The following ATP6V1D variants were observed in gnomAD, a reference collection of about 807,000 sequenced individuals.
ATP6V1D encodes the protein V-type proton ATPase subunit D.
In ATP6V1D, 20 loss-of-function variants were observed where a neutral mutation model predicts 39.4. The observed-to-expected ratio is 0.51, with a 90% CI of 0.36 to 0.74. The LOEUF (loss-of-function observed/expected upper bound fraction) is 0.74. Among genes scored for constraint, ATP6V1D ranks in the 30% least tolerant of loss-of-function variants. The pLI, the probability that ATP6V1D is intolerant of heterozygous loss-of-function variation, is 0.00. For synonymous variants in ATP6V1D, 100 were observed against 100.5 expected (o/e 0.99, Z 0.03); for missense variants, 228 against 291.6 (o/e 0.78, Z 1.59).
At chr14:67,359,574 C>A in intron 1 of ATP6V1D, 84 bp downstream of exon 1, 1 of 1,472,946 alleles carries the variant, frequency 6.8e-7, no homozygotes. Flanking sequence ...GAAACAAGGA[C>A]CCTCACTGTG....
chr14:67,352,898 CTA>C lies in ATP6V1D; in HGVS notation c.159+23_159+24del, dbSNP rs761559566. The C allele has an allele frequency of 4.0e-6, 6 of 1,496,554 alleles. No individual in the cohort carries two copies. In the Admixed American group the frequency reaches 1.1e-4, roughly 28 times the overall value. 92.7% of individuals were successfully genotyped at this position (1,496,554 alleles called of 1,614,324 possible). A position where few individuals can be genotyped will look rare whatever the true frequency, so the allele number is the denominator to read the frequency against. On this transcript the variant is annotated intron_variant, in intron 2 of 8. Transcript: ENST00000216442. Reference sequence around the variant, plus strand: ...ATGCTGGATTTTTCTAAAATAAATACTATTCTAAGAAAAGTTCATTCTACCTC... The same window carrying C: ...ATGCTGGATTTTTCTAAAATAAATACTTCTAAGAAAAGTTCATTCTACCTC...
At chr14:67,357,520 T>C (rs2085693434) in intron 1 of ATP6V1D, among the ~76,000 whole-genome samples, 1 of 152,252 alleles carries the variant, frequency 6.6e-6, no homozygotes. Context: ...TATCATTTTC[T>C]TACCTAAGCC....
At chr14:67,354,304 CAT>C (rs908264349) in intron 1 of ATP6V1D, among the ~76,000 whole-genome samples, 2 of 152,150 alleles carry the variant, frequency 1.3e-5, no homozygotes, top group Non-Finnish European at 2.9e-5. Context: ...ATGATGCCAA[CAT>C]AGTTTAAATA....
intron 1 of ATP6V1D, among the ~76,000 whole-genome samples, chr14:67,354,212 T>C (rs1178761355): frequency 6.6e-6 from 1 of 152,262 alleles, no homozygotes. Context: ...AAAAGTTTAT[T>C]AATTTACAAC....
At chr14:67,349,233 G>C in intron 3 of ATP6V1D, 129 bp from the exon 4 acceptor site, 1 of 900,886 alleles carries the variant, frequency 1.1e-6, no homozygotes, top group Non-Finnish European at 1.7e-6. Context: ...TTTGATAACT[G>C]TCCTTTTTCC....
Position 67,347,399 on chromosome 14 carries a change from T to C in ATP6V1D, c.352+10A>G. The stretch of plus-strand genomic sequence containing the variant: ...GAGACACAAAGTAATACAAAAAGTT[T>C]CACACTTACTGTCAGTTCCTTCATG... On this transcript the variant is annotated intron_variant, in intron 5 of 8. Coordinates refer to ENST00000216442, the MANE Select transcript of ATP6V1D (RefSeq NM_015994.4). 6.3e-7 allele frequency: 1 copy of C among 1,595,210 alleles called. No individual in the cohort carries two copies.
Position 67,338,765 on chromosome 14 carries a change from G to A in ATP6V1D, c.603-3C>T, listed in dbSNP as rs2085557867. ...TCTTCTCTTGTATTTTCTTTAACCT[G>A]TAAAATACAGGTGGGGGTGGATTTT... On this transcript the variant is annotated splice_region_variant and splice_polypyrimidine_tract_variant and intron_variant, in intron 8 of 8. Transcript: ENST00000216442. 6.2e-7 allele frequency: 1 copy of A among 1,608,500 alleles called. No individual in the cohort carries two copies. The highest frequency in any genetic ancestry group is 8.5e-7 in the Non-Finnish European group (1 of 1,176,366).
chr14:67,359,142 G>A (rs1410345273), intron 1 of ATP6V1D, among the ~76,000 whole-genome samples: 1 of 152,142 alleles, frequency 6.6e-6, no homozygotes, highest in Non-Finnish European at 1.5e-5. Context: ...AATGAGTAAG[G>A]GGATCCAAGA....
chr14:67,342,725 C>A (rs963930085), intron 7 of ATP6V1D, among the ~76,000 whole-genome samples: 27 of 150,426 alleles, frequency 1.8e-4, no homozygotes, highest in Admixed American at 1.6e-3. Context: ...GTTAATATAT[C>A]ATATTATACA....
rs758377727 is a variant in ATP6V1D, at chr14:67,340,495, T to A, written c.547A>T (p.Thr183Ser). ...EHVIIPRIER[T>S]LAYIITELDE... ...AGCTCTGTGATGATATAAGCAAGAG[T>A]ACGTTCAATCCGGGGAATGATGACT... Residue 183 changes from threonine (T) to serine (S), a missense_variant, in exon 8 of 9, where the codon ACT becomes TCT. This residue lies in a region of ATP6V1D where 114 missense variants were observed against 128.3 expected (regional missense o/e 0.89). Coordinates refer to ENST00000216442, the MANE Select transcript of ATP6V1D (RefSeq NM_015994.4). The A allele has an allele frequency of 2.5e-6, 4 of 1,612,738 alleles. No homozygotes were observed. The highest frequency in any genetic ancestry group is 3.4e-6 in the Non-Finnish European group (4 of 1,179,808).
At chr14:67,352,238 T>C (rs2085658996) in intron 2 of ATP6V1D, among the ~76,000 whole-genome samples, 1 of 151,900 alleles carries the variant, frequency 6.6e-6, no homozygotes. Flanking sequence ...GAGGCCAAGA[T>C]AGAAAGACTG....
chr14:67,352,553 T>C (rs60093892), intron 2 of ATP6V1D, among the ~76,000 whole-genome samples: 2,982 of 152,220 alleles, frequency 0.02, 104 homozygotes, highest in African/African-American at 0.066. Context: ...GATTGGGTGA[T>C]CAGGAACAGC....
At chr14:67,350,138 T>C (rs2085646480) in intron 3 of ATP6V1D, among the ~76,000 whole-genome samples, 1 of 152,208 alleles carries the variant, frequency 6.6e-6, no homozygotes, top group Non-Finnish European at 1.5e-5. Flanking sequence ...TTTACTGATG[T>C]CACCAAAGCC....
At chr14:67,352,314 A>T (rs1256536410) in intron 2 of ATP6V1D, among the ~76,000 whole-genome samples, 1 of 151,554 alleles carries the variant, frequency 6.6e-6, no homozygotes, top group African/African-American at 2.4e-5. Flanking sequence ...TACTAAAAAT[A>T]AAAAAAATGA....
At chr14:67,342,461 T>C in intron 7 of ATP6V1D, among the ~76,000 whole-genome samples, 1 of 151,106 alleles carries the variant, frequency 6.6e-6, no homozygotes, top group East Asian at 1.9e-4. Flanking sequence ...GCAGAGAGAA[T>C]GCTCGATTGA....
intron 5 of ATP6V1D, among the ~76,000 whole-genome samples, chr14:67,347,087 A>G (rs953078354): frequency 3.7e-4 from 57 of 152,150 alleles, no homozygotes; most frequent in African/African-American, 1.3e-3. Context: ...CAGCTCAAGC[A>G]ATCCTCCCTC....
intron 2 of ATP6V1D, 193 bp downstream of exon 2, chr14:67,352,730 T>C (rs1242934573): frequency 2.0e-6 from 1 of 500,026 alleles, no homozygotes; most frequent in Non-Finnish European, 3.5e-6. Flanking sequence ...AAGTGGAGCT[T>C]TGCAGGCAAG....
At chr14:67,353,234 A>T (rs1268824774) in intron 1 of ATP6V1D, among the ~76,000 whole-genome samples, 194 bp from the exon 2 acceptor site, 1 of 152,242 alleles carries the variant, frequency 6.6e-6, no homozygotes, top group Non-Finnish European at 1.5e-5. Context: ...TGTTGGAAAC[A>T]ATCTCCAATG....
intron 3 of ATP6V1D, among the ~76,000 whole-genome samples, chr14:67,350,281 A>G (rs1296475880): frequency 6.6e-6 from 1 of 152,252 alleles, no homozygotes; most frequent in Non-Finnish European, 1.5e-5. Context: ...ACTGAGAATT[A>G]ACCCAAATAC....
Sources: gnomAD v4.1 joint callset for allele counts (sites outside exome capture counted in the v4.1 genomes callset) on GRCh38, gnomAD v4.1.1 for gene constraint, gnomAD v4.1.1 regional missense constraint, MANE v1.5 for transcripts, NCBI Gene and HGNC (gene_info 2026-07-23, HGNC 2026-07-21) for gene names.